Variants in ANK2 observed in about 807,000 individuals in gnomAD.
ANK2 encodes the protein ankyrin 2, also known as ankyrin-2.
ANK2 carries 83 observed loss-of-function variants against 360.5 expected under a neutral mutation model. That is an observed-to-expected ratio of 0.23 (90% CI 0.19 to 0.28). The LOEUF (loss-of-function observed/expected upper bound fraction) is 0.28, where lower values mean the gene tolerates loss of function less well. Among genes scored for constraint, ANK2 ranks in the 10% least tolerant of loss-of-function variants. The pLI is 1.00. For missense variants in ANK2, 4,201 were observed against 4,795.7 expected, an observed-to-expected ratio of 0.88 and a Z score of 3.66; for synonymous variants, 1,740 against 1,759.5, an observed-to-expected ratio of 0.99 and a Z score of 0.28.
the ANK2 span, among the ~76,000 whole-genome samples, chr4:112,771,900 TAAC>T: frequency 1.3e-5 from 2 of 152,270 alleles, no homozygotes; most frequent in East Asian, 3.9e-4. Flanking sequence ...TGGGGAAACT[TAAC>T]AAGGCTTGTT....
intron 2 of ANK2, among the ~76,000 whole-genome samples, chr4:112,912,625 C>T (rs901387921): frequency 2.0e-5 from 3 of 151,954 alleles, no homozygotes; most frequent in African/African-American, 7.3e-5. Flanking sequence ...TAGAGGATAG[C>T]CCACACTATG....
intron 2 of ANK2, among the ~76,000 whole-genome samples, chr4:113,008,055 A>G (rs1359720108): frequency 6.6e-6 from 1 of 151,400 alleles, no homozygotes; most frequent in East Asian, 1.9e-4. Flanking sequence ...TACATTTTAC[A>G]GTAGTTTTAC....
In ANK2 at chr4:112,853,309, C is replaced by T. The variant is rs552359175; in HGVS notation, c.-40+35045C>T. On this transcript the variant is annotated intron_variant, in intron 1 of 30. Transcript: ENST00000503271. ...GTCTCGATCTCCTGACCTCTTGATCCGCCCACCTCGGCCTCCCAAAGTGCT... is the reference window on the plus strand; with the variant it reads ...GTCTCGATCTCCTGACCTCTTGATCTGCCCACCTCGGCCTCCCAAAGTGCT... 2.0e-5 allele frequency among the ~76,000 whole-genome samples: 3 copies of T among 152,156 alleles called. No individual in the cohort carries two copies. The South Asian group carries it at 6.2e-4, about 32-fold the overall frequency.
chr4:113,348,679 GTAC>G (rs1316205960), intron 36 of ANK2, among the ~76,000 whole-genome samples: 1 of 151,906 alleles, frequency 6.6e-6, no homozygotes, highest in Admixed American at 6.6e-5. Context: ...CATTAAAAAT[GTAC>G]TAAGACATTA....
intron 1 of ANK2, among the ~76,000 whole-genome samples, chr4:113,074,004 C>G (rs1455616336): frequency 6.6e-6 from 1 of 152,258 alleles, no homozygotes; most frequent in Non-Finnish European, 1.5e-5. Flanking sequence ...TGGACTCAGT[C>G]TTATGGAAAA....
chr4:113,213,469 G>C (rs906492801), intron 4 of ANK2, among the ~76,000 whole-genome samples: 1 of 152,140 alleles, frequency 6.6e-6, no homozygotes, highest in Non-Finnish European at 1.5e-5. Flanking sequence ...TATGTGGGCA[G>C]CTGTCTCAAA....
chr4:112,829,491 C>CAAAAAAAGAAAAAAAAAAA (rs2059199780), intron 1 of ANK2, among the ~76,000 whole-genome samples: 1 of 60,728 alleles, frequency 1.6e-5, no homozygotes, highest in Non-Finnish European at 3.1e-5. Flanking sequence ...CCCATCTCTA[C>CAAAAAAAGAAAAAAAAAAA]AAAAAAAAAA....
intron 1 of ANK2, among the ~76,000 whole-genome samples, chr4:112,894,204 C>T (rs2081056039): frequency 6.6e-6 from 1 of 152,072 alleles, no homozygotes; most frequent in Non-Finnish European, 1.5e-5. Flanking sequence ...TGAGCACTTA[C>T]TATGGGCTAG....
chr4:112,969,105 A>T (rs915180883), intron 2 of ANK2, among the ~76,000 whole-genome samples: 15 of 152,196 alleles, frequency 9.9e-5, no homozygotes, highest in Admixed American at 5.2e-4. Flanking sequence ...TGATGAGAAC[A>T]CTGAGGTTCT....
the ANK2 span, among the ~76,000 whole-genome samples, chr4:112,785,109 A>G: frequency 5.3e-4 from 81 of 152,342 alleles, no homozygotes; most frequent in African/African-American, 1.9e-3. Flanking sequence ...CTTGCTGTAG[A>G]GAAAATCCAT....
intron 35 of ANK2, 186 bp from the exon 36 acceptor site, chr4:113,348,090 A>C: frequency 4.8e-6 from 3 of 620,946 alleles, no homozygotes; most frequent in Non-Finnish European, 2.9e-6. Flanking sequence ...CTTTGTACTT[A>C]AGCCAATCTT....
intron 2 of ANK2, among the ~76,000 whole-genome samples, chr4:112,972,469 C>A: frequency 6.6e-6 from 1 of 152,002 alleles, no homozygotes; most frequent in East Asian, 1.9e-4. Flanking sequence ...GTTTGGATGT[C>A]AGGTAGACTG....
rs767378792 is a variant in ANK2 at position 113,355,970 on chromosome 4, C to T, written c.7352C>T (p.Thr2451Ile). 5 of 1,614,096 alleles carry T rather than the reference C, an allele frequency of 3.1e-6. No individual in the cohort carries two copies. The highest frequency in any genetic ancestry group is 4.2e-6 in the Non-Finnish European group (5 of 1,179,990). ...CTAGAAGATAACTCTTCACACAAAACCCCTGATTCTCTGGAGCCAAGTCCT... is the reference window on the plus strand; with the variant it reads ...CTAGAAGATAACTCTTCACACAAAATCCCTGATTCTCTGGAGCCAAGTCCT... ...PVLEDNSSHKTPDSLEPSPLK... is the reference protein window; with the variant it reads ...PVLEDNSSHKIPDSLEPSPLK... Residue 2451 changes from threonine (T) to isoleucine (I), a missense_variant, in exon 38 of 46, where the codon ACC becomes ATC. Coordinates refer to ENST00000357077, the MANE Select transcript of ANK2 (RefSeq NM_001148.6).
At position 113,335,884 on chromosome 4, in the gene ANK2, T is replaced by C; in HGVS notation, c.3418T>C (p.Cys1140Arg). 2 of 1,614,232 alleles carry C rather than the reference T, an allele frequency of 1.2e-6. No individual in the cohort carries two copies. Among genetic ancestry groups the C allele is most frequent in the Non-Finnish European group, 1.7e-6 (2 of 1,180,042 alleles). ...AGAAGACCTAGAAAAGAAACGAATC[T>C]GCCGCATCATCACCCGAGACTTCCC... ...SPEDLEKKRI[C>R]RIITRDFPQY... The change falls in exon 30 of 46, where the codon TGC becomes CGC. Residue 1140 changes from cysteine (C) to arginine (R), a missense_variant. Physicochemically the swap from Cys to Arg is radical, Grantham distance 180. Coordinates refer to ENST00000357077, the MANE Select transcript of ANK2 (RefSeq NM_001148.6).
chr4:112,735,874 C>G, the ANK2 span, among the ~76,000 whole-genome samples: 10 of 152,212 alleles, frequency 6.6e-5, no homozygotes, highest in South Asian at 1.9e-3. Flanking sequence ...AACTACTGTT[C>G]TTTATATTTC....
chr4:113,152,065 C>CAAAAAAAA (rs1232657248), intron 1 of ANK2, among the ~76,000 whole-genome samples: 13 of 62,242 alleles, frequency 2.1e-4, no homozygotes, highest in African/African-American at 2.8e-4. Context: ...GTCTCTGTCT[C>CAAAAAAAA]AAAAAAAAAA....
At chr4:112,960,119 A>G (rs898370722) in intron 2 of ANK2, among the ~76,000 whole-genome samples, 6 of 152,244 alleles carry the variant, frequency 3.9e-5, no homozygotes, top group Non-Finnish European at 8.8e-5. Flanking sequence ...CAAACAACTC[A>G]GATGAATGGC....
At chr4:113,124,968 T>A (rs1310511460) in intron 1 of ANK2, among the ~76,000 whole-genome samples, 5 of 151,574 alleles carry the variant, frequency 3.3e-5, no homozygotes, top group Admixed American at 3.3e-4. Context: ...CCATCTCTTT[T>A]AAAAAAAAAT....
At chr4:112,854,707 G>A (rs1392208571) in intron 1 of ANK2, among the ~76,000 whole-genome samples, 1 of 152,192 alleles carries the variant, frequency 6.6e-6, no homozygotes, top group Non-Finnish European at 1.5e-5. Context: ...ACTGCAGGAG[G>A]AAGATTGGCT....
Sources: gnomAD v4.1 joint callset for allele counts (sites outside exome capture counted in the v4.1 genomes callset) on GRCh38, gnomAD v4.1.1 for gene constraint, MANE v1.5 for transcripts, NCBI Gene and HGNC (gene_info 2026-07-23, HGNC 2026-07-21) for gene names.